The following IGF2R variants were observed in gnomAD, a reference collection of about 807,000 sequenced individuals.
IGF2R encodes cation-independent mannose-6-phosphate receptor.
IGF2R carries 91 observed loss-of-function variants against 270.6 expected under a neutral mutation model. The ratio of observed to expected loss-of-function variants is 0.34; its 90% CI spans 0.28 to 0.40. The LOEUF is 0.40. Ranked by LOEUF, IGF2R falls within the 10% of genes least tolerant of loss-of-function variation. The probability of loss-of-function intolerance (pLI) is 1.00; values close to 1 mark genes in which losing one functional copy is unlikely to be tolerated. For missense variants in IGF2R, 2,805 were observed against 3,188.3 expected, an observed-to-expected ratio of 0.88 and a Z score of 2.90; for synonymous variants, 1,316 against 1,258.9, an observed-to-expected ratio of 1.05 and a Z score of -0.96.
At chr6:159,977,788 C>T (rs1324613004) in intron 1 of IGF2R, among the ~76,000 whole-genome samples, 2 of 152,098 alleles carry the variant, frequency 1.3e-5, no homozygotes, top group Non-Finnish European at 2.9e-5. Context: ...CGTGTGTGTC[C>T]AGTCAGGATG....
intron 33 of IGF2R, 89 bp from the exon 34 acceptor site, chr6:160,073,124 T>C (rs1778780415): frequency 1.3e-6 from 2 of 1,530,778 alleles, no homozygotes; most frequent in African/African-American, 1.4e-5. Context: ...GGCTATGAAA[T>C]TGATGGTCCT....
intron 31 of IGF2R, among the ~76,000 whole-genome samples, chr6:160,070,485 A>G (rs539346041): frequency 1.1e-4 from 16 of 152,354 alleles, no homozygotes; most frequent in African/African-American, 3.8e-4. Flanking sequence ...TCAGCCGTTC[A>G]TAACATGAGG....
At chr6:160,095,104 C>T (rs1343273430) in intron 44 of IGF2R, 1 of 152,134 alleles carries the variant, frequency 6.6e-6, no homozygotes, top group Non-Finnish European at 1.5e-5. Context: ...CACTCTACCT[C>T]TGGCCTCTGA....
rs11759563 is a variant in IGF2R, at chr6:160,024,661, C to T, written c.603C>T (p.Ser201=). The T allele has an allele frequency of 6.8e-3, 11,015 of 1,614,012 alleles. 72 individuals carry two copies. The highest frequency in any genetic ancestry group is 6.8e-3 in the Non-Finnish European group (8,020 of 1,179,946). ...KLSGAYLVDD[S]DPDTSLFINV... The stretch of plus-strand genomic sequence containing the variant: ...GTGGTGCCTACTTGGTGGATGACTC[C>T]GATCCGGACACTTCTCTATTCATCA... Residue 201 remains serine (S), a synonymous_variant, in exon 5 of 48, where the codon TCC becomes TCT. Transcript: ENST00000356956.
At chr6:159,987,202 G>A (rs1783901273) in intron 1 of IGF2R, among the ~76,000 whole-genome samples, 2 of 152,218 alleles carry the variant, frequency 1.3e-5, no homozygotes, top group South Asian at 2.1e-4. Flanking sequence ...TTATTTATAC[G>A]ATTTTCAAGT....
In IGF2R at chr6:160,084,918, A is replaced by T. The variant is rs1467621992; in HGVS notation, c.6069-77A>T. On this transcript the variant is annotated intron_variant, in intron 40 of 47. Transcript: ENST00000356956. The surrounding 1 kb of genome is among the most constrained non-coding windows in gnomAD (Gnocchi z 4.6). ...TTATCAGAACCTTTCTCTGAAAGTAAAGTGAAGAGCCCTCCTGTGTCAGGG... is the reference window on the plus strand; with the variant it reads ...TTATCAGAACCTTTCTCTGAAAGTATAGTGAAGAGCCCTCCTGTGTCAGGG... The T allele has an allele frequency of 3.6e-6, 5 of 1,402,054 alleles. No individual in the cohort carries two copies. Among genetic ancestry groups the T allele is most frequent in the Middle Eastern group, 1.9e-4 (1 of 5,354 alleles). 86.9% of individuals were successfully genotyped at this position (1,402,054 alleles called of 1,614,324 possible).
intron 19 of IGF2R, among the ~76,000 whole-genome samples, chr6:160,055,583 T>C (rs1778294068): frequency 6.6e-6 from 1 of 151,260 alleles, no homozygotes; most frequent in Non-Finnish European, 1.5e-5. Context: ...AGGCCTGGAG[T>C]GGGTGGGGGC....
chr6:160,064,824 T>C lies in IGF2R; in HGVS notation c.4038T>C (p.Thr1346=), dbSNP rs1778526559. 1.2e-6 allele frequency: 2 copies of C among 1,613,038 alleles called. No homozygotes were observed. Among genetic ancestry groups the C allele is most frequent in the African/African-American group, 1.3e-5 (1 of 74,936 alleles). Residue 1346 remains threonine, a synonymous_variant, in exon 29 of 48, where the codon ACT becomes ACC. Coordinates refer to ENST00000356956, the MANE Select transcript of IGF2R (RefSeq NM_000876.4). ...GTQRPVFLKE[T]SDCSYLFEWR... is the part of the protein sequence containing the mutation. ...TTTAGCCAGTATTTCTAAAGGAGAC[T>C]TCAGATTGTTCCTACTTGTTTGAGT...
chr6:160,021,110 C>T (rs1777422944), intron 4 of IGF2R, among the ~76,000 whole-genome samples: 1 of 152,022 alleles, frequency 6.6e-6, no homozygotes, highest in Admixed American at 6.6e-5. Flanking sequence ...CAAGAAAAAC[C>T]ACAATCCCTT....
Position 160,102,001 on chromosome 6 carries a change from C to A in IGF2R, c.6843-518C>A, listed in dbSNP as rs897114465. Among the ~76,000 whole-genome samples the A allele has an allele frequency of 6.6e-6, 1 of 152,170 alleles. No homozygotes were observed. The highest frequency in any genetic ancestry group is 1.5e-5 in the Non-Finnish European group (1 of 68,030). Reference sequence around the variant, plus strand: ...TGCTGGGCTCTGCTGCTCCCTGGGCCCCACCCTGGTCTGTGGCCGCCCCTG... The same window carrying A: ...TGCTGGGCTCTGCTGCTCCCTGGGCACCACCCTGGTCTGTGGCCGCCCCTG... On this transcript the variant is annotated intron_variant, in intron 45 of 47. Transcript: ENST00000356956. The surrounding 1 kb of genome is among the most constrained non-coding windows in gnomAD (Gnocchi z 4.5).
chr6:160,038,037 G>A (rs1033750045), intron 10 of IGF2R, among the ~76,000 whole-genome samples: 1 of 152,206 alleles, frequency 6.6e-6, no homozygotes, highest in Non-Finnish European at 1.5e-5. Flanking sequence ...TGGGTAAGAG[G>A]TAGCATTGTT....
intron 10 of IGF2R, among the ~76,000 whole-genome samples, chr6:160,039,219 C>T (rs1277624455): frequency 1.3e-5 from 2 of 152,172 alleles, no homozygotes; most frequent in Non-Finnish European, 2.9e-5. Flanking sequence ...TCCTGGGCTA[C>T]AAGTGTGTAT....
In IGF2R at chr6:159,998,756, A is replaced by G. The variant is rs1784087586; in HGVS notation, c.289+7433A>G. ...CTCCCTTTCTTCAACTGGAGAGAGC[A>G]GTTTGTATGAGTCAATGAGAGTGAC... On this transcript the variant is annotated intron_variant, in intron 2 of 47. Transcript: ENST00000356956. The surrounding 1 kb of genome is among the most constrained non-coding windows in gnomAD (Gnocchi z 4.1). Among the ~76,000 whole-genome samples, 2 of 152,222 alleles carry G rather than the reference A, an allele frequency of 1.3e-5. No individual in the cohort carries two copies. The highest frequency in any genetic ancestry group is 2.1e-4 in the South Asian group (1 of 4,834).
chr6:160,066,309 C>T (rs1486283835), intron 29 of IGF2R, among the ~76,000 whole-genome samples: 1 of 151,800 alleles, frequency 6.6e-6, no homozygotes, highest in Non-Finnish European at 1.5e-5. Flanking sequence ...GCCACTGAGC[C>T]AGCCTATTTT....
intron 39 of IGF2R, 50 bp from the exon 40 acceptor site, chr6:160,083,900 A>G (rs750826960): frequency 5.5e-6 from 7 of 1,265,116 alleles, no homozygotes; most frequent in Non-Finnish European, 4.6e-6. Context: ...CCCTTTCTGC[A>G]TAGACACAGT....
At chr6:160,104,012 G>C (rs8191951) in intron 47 of IGF2R, among the ~76,000 whole-genome samples, 197 bp downstream of exon 47, 1 of 151,788 alleles carries the variant, frequency 6.6e-6, no homozygotes, top group Non-Finnish European at 1.5e-5. Context: ...AGTTTCTCTC[G>C]TGGTTACAAC....
intron 10 of IGF2R, 90 bp downstream of exon 10, chr6:160,034,612 C>A: frequency 1.2e-6 from 1 of 848,490 alleles, no homozygotes; most frequent in Non-Finnish European, 2.0e-6. Flanking sequence ...GAAGTGAACA[C>A]TGAATGGAGG....
chr6:160,063,243 T>G (rs1339954856), intron 26 of IGF2R, among the ~76,000 whole-genome samples, 172 bp from the exon 27 acceptor site: 1 of 152,098 alleles, frequency 6.6e-6, no homozygotes, highest in Non-Finnish European at 1.5e-5. Context: ...TTCACCATGT[T>G]GGCCAGGATG....
intron 35 of IGF2R, among the ~76,000 whole-genome samples, chr6:160,075,519 A>G (rs1037525235): frequency 2.6e-5 from 4 of 152,162 alleles, no homozygotes; most frequent in Non-Finnish European, 1.5e-5. Context: ...GGCTTCCCTC[A>G]TCAGCTGATG....
Sources: allele counts gnomAD v4.1 joint callset (sites outside exome capture counted in the v4.1 genomes callset), GRCh38; gene constraint gnomAD v4.1.1; non-coding constraint Gnocchi (gnomAD v3.1); transcripts MANE v1.5; gene names NCBI Gene and HGNC (gene_info 2026-07-23, HGNC 2026-07-21).